The following OR9Q1 variants were observed in gnomAD, a reference collection of about 807,000 sequenced individuals.
OR9Q1 encodes the protein olfactory receptor family 9 subfamily Q member 1, also known as olfactory receptor 9Q1.
For synonymous variants in OR9Q1, 153 were observed against 148.6 expected, an observed-to-expected ratio of 1.03 and a Z score of -0.22; for missense variants, 374 against 378.8, an observed-to-expected ratio of 0.99 and a Z score of 0.11.
Position 58,133,533 on chromosome 11 carries a change from G to A in OR9Q1, c.-14-45898G>A, listed in dbSNP as rs535178528. Among the ~76,000 whole-genome samples, 17 of 152,300 alleles carry A rather than the reference G, an allele frequency of 1.1e-4. No homozygotes were observed. In the South Asian group the frequency reaches 2.5e-3, roughly 22 times the overall value. On this transcript the variant is annotated intron_variant, in intron 2 of 2. Transcript: ENST00000335397. ...TTTCGCTTCTCCCTTGCAATAATGCGAGGCACTTAGCATCTTTGTGTCTTG... is the reference window on the plus strand; with the variant it reads ...TTTCGCTTCTCCCTTGCAATAATGCAAGGCACTTAGCATCTTTGTGTCTTG...
At chr11:58,054,750 C>A (rs901895917) in intron 1 of OR9Q1, among the ~76,000 whole-genome samples, 1 of 152,116 alleles carries the variant, frequency 6.6e-6, no homozygotes, top group African/African-American at 2.4e-5. Context: ...ATGGTAAAAC[C>A]CCATCTCTAC....
intron 2 of OR9Q1, among the ~76,000 whole-genome samples, chr11:58,082,766 ATAAT>A (rs1196109641): frequency 8.8e-4 from 115 of 130,530 alleles, no homozygotes; most frequent in Middle Eastern, 7.8e-3. Context: ...AATAATAATA[ATAAT>A]AAAAAGTTAG....
intron 2 of OR9Q1, among the ~76,000 whole-genome samples, chr11:58,124,852 C>G (rs1854073010): frequency 6.6e-6 from 1 of 152,188 alleles, no homozygotes; most frequent in African/African-American, 2.4e-5. Flanking sequence ...AACATCTTCT[C>G]TGCGCTGATC....
At chr11:58,024,996 T>C (rs1214605044) in intron 1 of OR9Q1, among the ~76,000 whole-genome samples, 1 of 152,226 alleles carries the variant, frequency 6.6e-6, no homozygotes, top group Non-Finnish European at 1.5e-5. Context: ...TGTAGTTCTT[T>C]GATCTTGCCC....
At chr11:58,136,024 T>C (rs974627916) in intron 2 of OR9Q1, among the ~76,000 whole-genome samples, 1 of 152,210 alleles carries the variant, frequency 6.6e-6, no homozygotes, top group Admixed American at 6.5e-5. Context: ...CTGGACTTTC[T>C]CTTTCCTGAA....
intron 2 of OR9Q1, among the ~76,000 whole-genome samples, chr11:58,098,833 T>G (rs1287739128): frequency 6.6e-6 from 1 of 152,192 alleles, no homozygotes; most frequent in Non-Finnish European, 1.5e-5. Context: ...TTTTCTTTCC[T>G]ACTACAGTCA....
intron 1 of OR9Q1, among the ~76,000 whole-genome samples, chr11:58,048,245 G>A (rs1468095820): frequency 6.6e-6 from 1 of 152,066 alleles, no homozygotes; most frequent in Non-Finnish European, 1.5e-5. Context: ...AAAGAAGTGT[G>A]GCTGATAAAA....
intron 1 of OR9Q1, chr11:58,040,757 C>T (rs958416486): frequency 2.0e-5 from 3 of 152,330 alleles, no homozygotes; most frequent in African/African-American, 7.2e-5. Flanking sequence ...GAAAGCCACG[C>T]TCCCTATGGT....
rs578174592 is a variant in OR9Q1, at chr11:58,149,968, CA to C, written c.-14-29462del. Among the ~76,000 whole-genome samples the C allele has an allele frequency of 3.9e-5, 6 of 152,236 alleles. No individual in the cohort carries two copies. The East Asian group carries it at 1.2e-3, about 29-fold the overall frequency. On this transcript the variant is annotated intron_variant, in intron 2 of 2. Transcript: ENST00000335397. ...CAAGTCCCTGTTTTCTATTCTTTTG[CA>C]TAGTGTATACTACTTAAAAGTGGAA...
chr11:58,031,113 A>C (rs1590543187), intron 1 of OR9Q1: 2 of 1,614,102 alleles, frequency 1.2e-6, no homozygotes, highest in South Asian at 2.2e-5. Context: ...GTGGGTTTGG[A>C]CCACCGACTA....
At chr11:58,132,867 T>C (rs1319943018) in intron 2 of OR9Q1, among the ~76,000 whole-genome samples, 1 of 152,166 alleles carries the variant, frequency 6.6e-6, no homozygotes, top group East Asian at 1.9e-4. Flanking sequence ...GAAACCCCAG[T>C]CAGTGGCAAA....
chr11:58,084,693 TATGATCA>T (rs1006168865), intron 2 of OR9Q1, among the ~76,000 whole-genome samples: 2 of 151,858 alleles, frequency 1.3e-5, no homozygotes, highest in African/African-American at 4.9e-5. Context: ...GCAAAAATCA[TATGATCA>T]TCTCAATAGA....
At chr11:58,084,863 T>G (rs1853620226) in intron 2 of OR9Q1, among the ~76,000 whole-genome samples, 1 of 151,612 alleles carries the variant, frequency 6.6e-6, no homozygotes, top group Non-Finnish European at 1.5e-5. Flanking sequence ...CTGGAACCAT[T>G]CCCCTTGAGA....
chr11:58,176,074 T>C (rs144910838), intron 2 of OR9Q1, among the ~76,000 whole-genome samples: 1 of 152,114 alleles, frequency 6.6e-6, no homozygotes, highest in East Asian at 1.9e-4. Flanking sequence ...GAAGACATGA[T>C]GTGTCTTGCT....
intron 2 of OR9Q1, among the ~76,000 whole-genome samples, chr11:58,120,433 C>CT (rs1484506570): frequency 6.6e-6 from 1 of 151,720 alleles, no homozygotes; most frequent in East Asian, 1.9e-4. Context: ...AATTTATTAT[C>CT]TTTTTTTGAA....
chr11:58,115,840 G>A (rs1450036941), intron 2 of OR9Q1, among the ~76,000 whole-genome samples: 1 of 152,092 alleles, frequency 6.6e-6, no homozygotes, highest in Non-Finnish European at 1.5e-5. Flanking sequence ...ATTGCTATCA[G>A]ACAAAGATAA....
intron 1 of OR9Q1, among the ~76,000 whole-genome samples, chr11:58,054,156 T>C (rs1165875044): frequency 6.6e-6 from 1 of 152,132 alleles, no homozygotes; most frequent in Admixed American, 6.6e-5. Flanking sequence ...GAAAAAGAAA[T>C]AGTAGAAAAA....
intron 1 of OR9Q1, among the ~76,000 whole-genome samples, chr11:58,033,088 CAA>C (rs752341932): frequency 7.9e-5 from 12 of 152,002 alleles, no homozygotes; most frequent in Non-Finnish European, 1.2e-4. Context: ...TGGCTATTAT[CAA>C]AGAGTCAAAA....
rs11229238 is a variant in OR9Q1 at position 58,055,286 on chromosome 11, G to A, written c.-92-584G>A. ...AAGGTGTTTACTGTTATTTTTCTTA[G>A]AGCCCTTAAGAACTTATACTACATA... On this transcript the variant is annotated intron_variant, in intron 1 of 2. Coordinates refer to ENST00000335397, the MANE Select transcript of OR9Q1 (RefSeq NM_001005212.4). Among the ~76,000 whole-genome samples, 3 of 152,008 alleles carry A rather than the reference G, an allele frequency of 2.0e-5. No homozygotes were observed. In the East Asian group the frequency reaches 5.8e-4, roughly 29 times the overall value.
Sources: gnomAD v4.1 joint callset for allele counts (sites outside exome capture counted in the v4.1 genomes callset) on GRCh38, gnomAD v4.1.1 for gene constraint, MANE v1.5 for transcripts, NCBI Gene and HGNC (gene_info 2026-07-23, HGNC 2026-07-21) for gene names.